The following LMNTD1 variants were observed in gnomAD, a reference collection of about 807,000 sequenced individuals.
LMNTD1 encodes the protein lamin tail domain containing 1.
In LMNTD1, 35 loss-of-function variants were observed where a neutral mutation model predicts 50.9. That is an observed-to-expected ratio of 0.69 (90% CI 0.53 to 0.91). LMNTD1 has a LOEUF of 0.91. LMNTD1 is among the 40% of genes least tolerant of loss of function. The pLI, the probability that LMNTD1 is intolerant of heterozygous loss-of-function variation, is 0.00. For synonymous variants in LMNTD1, 153 were observed against 161.9 expected (o/e 0.94, Z 0.42); for missense variants, 470 against 475.5 (o/e 0.99, Z 0.11).
At chr12:25,536,208 A>G (rs1316363069) in intron 4 of LMNTD1, among the ~76,000 whole-genome samples, 1 of 152,192 alleles carries the variant, frequency 6.6e-6, no homozygotes, top group East Asian at 1.9e-4. Flanking sequence ...GACAGTAGAC[A>G]ACACTATCAA....
At chr12:25,586,211 C>G (rs915730782) in intron 1 of LMNTD1, 1 of 151,676 alleles carries the variant, frequency 6.6e-6, no homozygotes, top group African/African-American at 2.4e-5. Flanking sequence ...TTTCCCCTTC[C>G]GTTTGTTTTA....
intron 1 of LMNTD1, among the ~76,000 whole-genome samples, chr12:25,634,626 T>G (rs971469298): frequency 2.0e-5 from 3 of 151,714 alleles, no homozygotes; most frequent in Non-Finnish European, 4.4e-5. Flanking sequence ...GACAAAACTC[T>G]CAGCAAAATT....
intron 4 of LMNTD1, among the ~76,000 whole-genome samples, chr12:25,528,551 C>A (rs1187249865): frequency 2.0e-5 from 3 of 152,218 alleles, no homozygotes; most frequent in African/African-American, 7.2e-5. Flanking sequence ...GCCAAGTCAG[C>A]AACTTCTGCC....
At chr12:25,528,356 C>T (rs1164474898) in intron 4 of LMNTD1, among the ~76,000 whole-genome samples, 1 of 152,102 alleles carries the variant, frequency 6.6e-6, no homozygotes, top group African/African-American at 2.4e-5. Context: ...GTCCTTCTGC[C>T]TCATTCAACA....
At chr12:25,572,301 C>T (rs999509003) in intron 1 of LMNTD1, among the ~76,000 whole-genome samples, 2 of 152,072 alleles carry the variant, frequency 1.3e-5, no homozygotes, top group African/African-American at 4.8e-5. Flanking sequence ...AAGTATTTCC[C>T]CTTCCATTAT....
At chr12:25,588,296 C>T (rs560385381) in intron 1 of LMNTD1, among the ~76,000 whole-genome samples, 5 of 152,136 alleles carry the variant, frequency 3.3e-5, no homozygotes, top group East Asian at 1.9e-4. Context: ...AAATGGGAGA[C>T]GTAAGTGGAA....
intron 1 of LMNTD1, among the ~76,000 whole-genome samples, chr12:25,630,949 AGGGCTCTTAGTC>A (rs1239316649): frequency 6.6e-6 from 1 of 152,186 alleles, no homozygotes; most frequent in African/African-American, 2.4e-5. Context: ...AAACAGACTC[AGGGCTCTTAGTC>A]GGGGCAGAGT....
chr12:25,518,860 G>A lies in LMNTD1; in HGVS notation c.1124C>T (p.Ser375Phe), dbSNP rs1478766262. ...TCTATCCAATCTGCCTCCAGCGGTG[G>A]ATGTATTGTGTGGTTCAATCAGAGG... ...YCPLIEPHNT[S>F]TAGGRLDRQP... The change falls in exon 8 of 10, where the codon TCC becomes TTC. Residue 375 changes from serine to phenylalanine, a missense_variant. Transcript: ENST00000458174. 2.5e-6 allele frequency: 4 copies of A among 1,614,136 alleles called. No homozygotes were observed. The East Asian group carries it at 8.9e-5, about 36-fold the overall frequency.
At chr12:25,626,057 A>T (rs1946583106) in intron 1 of LMNTD1, among the ~76,000 whole-genome samples, 2 of 152,242 alleles carry the variant, frequency 1.3e-5, no homozygotes, top group Non-Finnish European at 2.9e-5. Context: ...AAAATAAGGT[A>T]GCATGGGGCT....
At chr12:25,515,868 C>A (rs1051532527) in intron 8 of LMNTD1, among the ~76,000 whole-genome samples, 1 of 152,028 alleles carries the variant, frequency 6.6e-6, no homozygotes, top group Admixed American at 6.6e-5. Flanking sequence ...AGCAAACTAG[C>A]CTATTTATTA....
At chr12:25,495,249 C>CGTGT (rs1207389869) in intron 9 of LMNTD1, among the ~76,000 whole-genome samples, 16,666 of 144,622 alleles carry the variant, frequency 0.12, 1,086 homozygotes, top group East Asian at 0.21. Flanking sequence ...AAAGTGTGTA[C>CGTGT]GTGTGTGTGT....
At chr12:25,527,736 A>C (rs1186414802) in intron 4 of LMNTD1, among the ~76,000 whole-genome samples, 1 of 143,332 alleles carries the variant, frequency 7.0e-6, no homozygotes, top group African/African-American at 2.5e-5. Context: ...ACACATATAT[A>C]TACATATATA....
At chr12:25,561,503 A>G (rs935808753) in intron 1 of LMNTD1, among the ~76,000 whole-genome samples, 2 of 152,194 alleles carry the variant, frequency 1.3e-5, no homozygotes, top group African/African-American at 4.8e-5. Flanking sequence ...GTGGTCTGAG[A>G]GATAGTTCCT....
At chr12:25,628,134 AAAAAGGC>A (rs1262357055) in intron 1 of LMNTD1, among the ~76,000 whole-genome samples, 35 of 149,906 alleles carry the variant, frequency 2.3e-4, no homozygotes, top group African/African-American at 8.3e-4. Context: ...AAAAAAAAAA[AAAAAGGC>A]AAAGGATGTT....
chr12:25,525,748 C>G (rs1405372033), intron 6 of LMNTD1, among the ~76,000 whole-genome samples: 1 of 151,886 alleles, frequency 6.6e-6, no homozygotes, highest in African/African-American at 2.4e-5. Flanking sequence ...ACTATCCATT[C>G]TATGAAAAAG....
rs1332807854 is a variant in LMNTD1 at position 25,517,114 on chromosome 12, T to C, written c.1189+1681A>G. Reference sequence around the variant, plus strand: ...AACACTTTTACACTGTTGGTGGGACTGTAAACTAGTTCAACCATTGTGGAA... The same window carrying C: ...AACACTTTTACACTGTTGGTGGGACCGTAAACTAGTTCAACCATTGTGGAA... On this transcript the variant is annotated intron_variant, in intron 8 of 9. Transcript: ENST00000458174. Among the ~76,000 whole-genome samples, 2 of 57,996 alleles carry C rather than the reference T, an allele frequency of 3.4e-5. 1 individual carries two copies. Among genetic ancestry groups the C allele is most frequent in the African/African-American group, 8.5e-5 (2 of 23,568 alleles). 38.0% of individuals were successfully genotyped at this position (57,996 alleles called of 152,430 possible).
chr12:25,569,664 T>C (rs1286946909), intron 1 of LMNTD1, among the ~76,000 whole-genome samples: 1 of 152,182 alleles, frequency 6.6e-6, no homozygotes, highest in Non-Finnish European at 1.5e-5. Flanking sequence ...ACCATCTCTT[T>C]GGTGATAAGT....
chr12:25,561,422 G>A lies in LMNTD1; in HGVS notation c.59-14868C>T, dbSNP rs1944317723. Among the ~76,000 whole-genome samples the A allele has an allele frequency of 2.6e-5, 4 of 152,204 alleles. No homozygotes were observed. The South Asian group carries it at 8.3e-4, about 31-fold the overall frequency. ...GTACCCAGTAGTCATTCAAGAGCAG[G>A]TTGTTCAGTTTCCATGTAGTTGAGC... On this transcript the variant is annotated intron_variant, in intron 1 of 7. Transcript: ENST00000445693.
At chr12:25,560,524 G>A (rs1354927135) in intron 1 of LMNTD1, among the ~76,000 whole-genome samples, 2 of 152,138 alleles carry the variant, frequency 1.3e-5, no homozygotes, top group Non-Finnish European at 2.9e-5. Flanking sequence ...TTGGCAATGA[G>A]GGCTCTTTTT....
Sources: gnomAD v4.1 joint callset for allele counts (sites outside exome capture counted in the v4.1 genomes callset) on GRCh38, gnomAD v4.1.1 for gene constraint, MANE v1.5 for transcripts, NCBI Gene and HGNC (gene_info 2026-07-23, HGNC 2026-07-21) for gene names.